Variants in UNC79 observed in about 807,000 individuals in gnomAD.
UNC79 encodes the protein protein unc-79 homolog.
A neutral mutation model predicts 283.1 loss-of-function variants in UNC79; 37 were observed. The ratio of observed to expected loss-of-function variants is 0.13; its 90% CI spans 0.10 to 0.17. UNC79 has a LOEUF of 0.17. Ranked by LOEUF, UNC79 falls within the 10% of genes least tolerant of loss-of-function variation. UNC79 has a pLI of 1.00. For synonymous variants in UNC79, 1,107 were observed against 1,200.2 expected (o/e 0.92, Z 1.61); for missense variants, 2,272 against 3,211.1 (o/e 0.71, Z 7.07).
chr14:93,647,298 T>C (rs933214020), intron 35 of UNC79, among the ~76,000 whole-genome samples: 13 of 152,072 alleles, frequency 8.5e-5, no homozygotes, highest in African/African-American at 3.1e-4. Context: ...AGGGAGAAAA[T>C]AAGCAAATTA....
rs752432144 is a variant in UNC79, at chr14:93,688,822, C to T, written c.7067C>T (p.Pro2356Leu). 1.1e-5 allele frequency: 17 copies of T among 1,613,832 alleles called. No homozygotes were observed. The highest frequency in any genetic ancestry group is 1.7e-5 in the Admixed American group (1 of 60,000). ...TATCTGCCTTGGCTTTATCATCCCC[C>T]CTCTGCAATGCAGCAAGGGTAAGAC... The change falls in exon 44 of 49, where the codon CCC becomes CTC. Residue 2356 changes from proline (P) to leucine (L), a missense_variant. Pro to Leu is a moderately conservative substitution (Grantham distance 98). Around this residue, in one of 11 missense-constraint regions of UNC79, gnomAD observed 225 missense variants for 334.2 expected, o/e 0.67. Transcript: ENST00000555664. The surrounding 1 kb of genome is among the most constrained non-coding windows in gnomAD (Gnocchi z 4.0).
chr14:93,429,469 G>T (rs2055806024), upstream of UNC79, among the ~76,000 whole-genome samples: 1 of 152,170 alleles, frequency 6.6e-6, no homozygotes, highest in Non-Finnish European at 1.5e-5. Flanking sequence ...TGCTGTGTGT[G>T]CATCATTATG....
intron 1 of UNC79, among the ~76,000 whole-genome samples, chr14:93,356,228 GGCCAGGCTGGTC>G (rs2054084025): frequency 6.6e-6 from 1 of 152,046 alleles, no homozygotes; most frequent in East Asian, 1.9e-4. Context: ...GAGTTTCGTT[GGCCAGGCTGGTC>G]TCAAACTCCT....
At chr14:93,458,792 A>G (rs189539529) in intron 1 of UNC79, among the ~76,000 whole-genome samples, 2 of 152,214 alleles carry the variant, frequency 1.3e-5, no homozygotes, top group Admixed American at 6.5e-5. Flanking sequence ...TAGCATTGTG[A>G]TAAGTCCTAA....
intron 2 of UNC79, among the ~76,000 whole-genome samples, chr14:93,473,448 T>C (rs889597947): frequency 1.3e-5 from 2 of 152,224 alleles, no homozygotes; most frequent in African/African-American, 4.8e-5. Context: ...TAGAAATATG[T>C]ATTATTTCTA....
At chr14:93,477,201 G>T (rs933194297) in intron 3 of UNC79, among the ~76,000 whole-genome samples, 1 of 152,158 alleles carries the variant, frequency 6.6e-6, no homozygotes, top group Non-Finnish European at 1.5e-5. Context: ...TTCTGATACT[G>T]CCCTTGACTT....
At chr14:93,551,118 C>T (rs1324486601) in intron 14 of UNC79, among the ~76,000 whole-genome samples, 1 of 152,108 alleles carries the variant, frequency 6.6e-6, no homozygotes, top group African/African-American at 2.4e-5. Context: ...GGCGCAATCT[C>T]GGCTCACTGC....
chr14:93,622,510 G>A, exon 30 of UNC79: 1 of 1,614,080 alleles, frequency 6.2e-7, no homozygotes, highest in Non-Finnish European at 8.5e-7. Context: ...TCCCCGAGAT[G>A]TCGCTGGATG....
chr14:93,341,065 C>A (rs1461071108), intron 1 of UNC79, among the ~76,000 whole-genome samples: 4 of 152,092 alleles, frequency 2.6e-5, no homozygotes, highest in African/African-American at 9.7e-5. Context: ...CTTTTGGACC[C>A]CAACTGCCAA....
Position 93,652,298 on chromosome 14 carries a change from T to C in UNC79, c.6084-1444T>C, listed in dbSNP as rs1033038463. On this transcript the variant is annotated intron_variant, in intron 35 of 48. Transcript: ENST00000555664. ...CTGTTGTTGAGGCAGGGTCTTGCTCTATCACCCAGGCTGGAGTGCAGTGGC... is the reference window on the plus strand; with the variant it reads ...CTGTTGTTGAGGCAGGGTCTTGCTCCATCACCCAGGCTGGAGTGCAGTGGC... Among the ~76,000 whole-genome samples the C allele has an allele frequency of 2.6e-5, 4 of 152,272 alleles. No homozygotes were observed. In the East Asian group the frequency reaches 5.8e-4, roughly 22 times the overall value.
At chr14:93,351,475 CAACA>C (rs1476236878) in intron 1 of UNC79, among the ~76,000 whole-genome samples, 1 of 152,088 alleles carries the variant, frequency 6.6e-6, no homozygotes, top group African/African-American at 2.4e-5. Context: ...TTCATTCATT[CAACA>C]AATACTGAAT....
intron 26 of UNC79, 88 bp from the exon 27 acceptor site, chr14:93,604,808 C>T: frequency 7.8e-7 from 1 of 1,289,308 alleles, no homozygotes; most frequent in Non-Finnish European, 1.0e-6. Flanking sequence ...CCTGCCCCTA[C>T]TATCCCATAA....
At chr14:93,603,176 C>A in intron 25 of UNC79, 63 bp from the exon 26 acceptor site, 1 of 1,558,108 alleles carries the variant, frequency 6.4e-7, no homozygotes, top group Non-Finnish European at 8.7e-7. Flanking sequence ...TTGTTTTAGA[C>A]TAGGTGGATT....
chr14:93,375,002 G>C (rs1011513099), intron 1 of UNC79, among the ~76,000 whole-genome samples: 1 of 152,032 alleles, frequency 6.6e-6, no homozygotes, highest in South Asian at 2.1e-4. Flanking sequence ...ATGAGTTTTG[G>C]GGGGTCAGGG....
chr14:93,560,916 A>G (rs954068426), intron 14 of UNC79, among the ~76,000 whole-genome samples: 1 of 152,158 alleles, frequency 6.6e-6, no homozygotes, highest in Admixed American at 6.5e-5. Flanking sequence ...CTCGATTTTC[A>G]TGGTGTATGA....
chr14:93,460,955 T>C (rs1230412823), intron 1 of UNC79, among the ~76,000 whole-genome samples: 2 of 152,232 alleles, frequency 1.3e-5, no homozygotes, highest in African/African-American at 4.8e-5. Context: ...AAATAGATTA[T>C]TGGTAAAGTA....
At chr14:93,424,093 G>T (rs555932222) in intron 1 of UNC79, among the ~76,000 whole-genome samples, 1 of 152,190 alleles carries the variant, frequency 6.6e-6, no homozygotes, top group Admixed American at 6.5e-5. Context: ...CATACAAATG[G>T]CAAACGGGCA....
chr14:93,560,537 C>G (rs1317190054), intron 14 of UNC79, among the ~76,000 whole-genome samples: 1 of 151,528 alleles, frequency 6.6e-6, no homozygotes, highest in Non-Finnish European at 1.5e-5. Context: ...ATTCTAGTAT[C>G]GAGAGCAATA....
At chr14:93,337,194 T>A (rs1332688904) in intron 1 of UNC79, among the ~76,000 whole-genome samples, 2 of 152,212 alleles carry the variant, frequency 1.3e-5, no homozygotes, top group Admixed American at 1.3e-4. Flanking sequence ...CCAATCAGCA[T>A]GCACTTCATT....
Sources: allele counts gnomAD v4.1 joint callset (sites outside exome capture counted in the v4.1 genomes callset), GRCh38; gene constraint gnomAD v4.1.1; regional missense constraint gnomAD v4.1.1; non-coding constraint Gnocchi (gnomAD v3.1); transcripts MANE v1.5; gene names NCBI Gene and HGNC (gene_info 2026-07-23, HGNC 2026-07-21).